Variants in INTS7 observed in about 807,000 individuals in gnomAD.
INTS7 encodes chromosome 1 open reading frame 73.
Under a neutral mutation model 109.2 loss-of-function variants are expected in INTS7, and 46 were observed. That is an observed-to-expected ratio of 0.42 (90% CI 0.33 to 0.54). INTS7 has a LOEUF of 0.54. INTS7 is among the 20% of genes least tolerant of loss of function. The pLI is 0.07. For synonymous variants in INTS7, 412 were observed against 402.9 expected (o/e 1.02, Z -0.27); for missense variants, 929 against 1,132.4 (o/e 0.82, Z 2.58).
At chr1:211,996,707 G>A (rs969802005) in intron 7 of INTS7, among the ~76,000 whole-genome samples, 1 of 152,154 alleles carries the variant, frequency 6.6e-6, no homozygotes, top group African/African-American at 2.4e-5. Context: ...CAAAATATGT[G>A]CAAGATTTGT....
rs996463958 is a variant in INTS7, at chr1:211,981,127, T to C, written c.1196A>G (p.Gln399Arg). 1.9e-6 allele frequency: 3 copies of C among 1,613,372 alleles called. No homozygotes were observed. Among genetic ancestry groups the C allele is most frequent in the Non-Finnish European group, 2.5e-6 (3 of 1,179,536 alleles). Residue 399 changes from glutamine to arginine, a missense_variant, in exon 10 of 20, where the codon CAA becomes CGA. Physicochemically the swap from Gln to Arg is conservative, Grantham distance 43. Around this residue, in one of 2 missense-constraint regions of INTS7, gnomAD observed 787 missense variants for 901.1 expected, o/e 0.87. Transcript: ENST00000366994. Reference protein sequence around the residue: ...GLESLLVLCSQDDSPGAQATL... With the variant: ...GLESLLVLCSRDDSPGAQATL... The stretch of plus-strand genomic sequence containing the variant: ...GGCCTGAGCACCTGGACTATCATCT[T>C]GACTACAAAGTACCAGTAGGGATTC...
At chr1:211,978,237 A>G (rs943315288) in intron 11 of INTS7, 35 bp downstream of exon 11, 11 of 1,611,174 alleles carry the variant, frequency 6.8e-6, no homozygotes, top group Admixed American at 6.7e-5. Context: ...ACCAGATCCT[A>G]GTCATTCAAA....
chr1:211,967,480 C>T (rs1202228254), intron 15 of INTS7, among the ~76,000 whole-genome samples: 1 of 139,820 alleles, frequency 7.2e-6, no homozygotes. Flanking sequence ...AAAGTGACAA[C>T]TAATGCTACT....
At chr1:211,967,451 CAAA>C (rs35896290) in intron 15 of INTS7, among the ~76,000 whole-genome samples, 1 of 82,444 alleles carries the variant, frequency 1.2e-5, no homozygotes. Flanking sequence ...GACTCCATCT[CAAA>C]AAAAAAAAAA....
At position 212,035,492 on chromosome 1, in the gene INTS7, G is replaced by A. The variant is rs960285826; in HGVS notation, c.-55C>T. ...CAGAAAGCTTGCAAACTCTACCCCA[G>A]GACCGCCATCTTCCCCCGCCGCCTT... On this transcript the variant is annotated 5_prime_UTR_variant, in exon 1 of 20. Coordinates refer to ENST00000366994, the MANE Select transcript of INTS7 (RefSeq NM_015434.4). 3 of 1,304,980 alleles carry A rather than the reference G, an allele frequency of 2.3e-6. No homozygotes were observed. The highest frequency in any genetic ancestry group is 2.3e-5 in the East Asian group (1 of 43,414). The allele number at this position is 1,304,980 out of a possible 1,614,324, so 80.8% of individuals were successfully genotyped here. A position where few individuals can be genotyped will look rare whatever the true frequency, so the allele number is the denominator to read the frequency against.
At chr1:211,949,679 A>G (rs187011394) in intron 17 of INTS7, among the ~76,000 whole-genome samples, 8 of 152,182 alleles carry the variant, frequency 5.3e-5, no homozygotes, top group Non-Finnish European at 1.2e-4. Context: ...ATAATATACA[A>G]TCTATATTAA....
rs930419370 is a variant in INTS7 at position 211,966,559 on chromosome 1, A to G, written c.2115-61T>C. ...AAGAAACCCGCTATAGGTTTCTATT[A>G]CTTGAATACTAAATTGGTCAAGATT... On this transcript the variant is annotated intron_variant, in intron 15 of 19. Transcript: ENST00000366994. 32 of 963,608 alleles carry G rather than the reference A, an allele frequency of 3.3e-5. No individual in the cohort carries two copies. In the African/African-American group the frequency reaches 4.4e-4, roughly 13 times the overall value. The allele number at this position is 963,608 out of a possible 1,614,324, so 59.7% of individuals were successfully genotyped here. A position where few individuals can be genotyped will look rare whatever the true frequency, so the allele number is the denominator to read the frequency against.
chr1:211,972,398 A>G (rs748641376), intron 13 of INTS7, among the ~76,000 whole-genome samples: 2 of 152,208 alleles, frequency 1.3e-5, no homozygotes, highest in Non-Finnish European at 2.9e-5. Flanking sequence ...AAATTCTGAA[A>G]TGCTCCAAAA....
In INTS7 at chr1:211,951,836, C is replaced by T. The variant is rs985984353; in HGVS notation, c.2316+733G>A. Among the ~76,000 whole-genome samples the T allele has an allele frequency of 1.1e-4, 16 of 152,096 alleles. No individual in the cohort carries two copies. In the East Asian group the frequency reaches 1.2e-3, roughly 11 times the overall value. ...ACGGCATTTTGTTATAAAACCTGAG[C>T]AGAGATACTGGGGAATGGTCAGACA... On this transcript the variant is annotated intron_variant, in intron 17 of 19. Coordinates refer to ENST00000366994, the MANE Select transcript of INTS7 (RefSeq NM_015434.4).
At chr1:211,986,496 A>C (rs200240477) in intron 8 of INTS7, among the ~76,000 whole-genome samples, 2 of 152,234 alleles carry the variant, frequency 1.3e-5, no homozygotes, top group East Asian at 3.8e-4. Context: ...AAAATAAATA[A>C]GAAAAACGCC....
chr1:212,013,600 A>C (rs893562991), intron 4 of INTS7, among the ~76,000 whole-genome samples: 1 of 152,246 alleles, frequency 6.6e-6, no homozygotes, highest in Admixed American at 6.5e-5. Context: ...ACATTCATTT[A>C]TCACTCACTC....
At chr1:212,018,577 A>C (rs1666548045) in intron 3 of INTS7, among the ~76,000 whole-genome samples, 1 of 151,838 alleles carries the variant, frequency 6.6e-6, no homozygotes, top group East Asian at 1.9e-4. Context: ...AGCCTCTTGT[A>C]ATCTACAACC....
intron 15 of INTS7, among the ~76,000 whole-genome samples, chr1:211,967,594 T>C (rs779966134): frequency 3.3e-5 from 5 of 152,186 alleles, no homozygotes; most frequent in Non-Finnish European, 5.9e-5. Context: ...GTGTTGTCTG[T>C]TGTAGCTCAA....
chr1:211,972,764 T>C (rs1471385834), intron 13 of INTS7, among the ~76,000 whole-genome samples: 1 of 152,198 alleles, frequency 6.6e-6, no homozygotes, highest in Non-Finnish European at 1.5e-5. Context: ...GAGATTCTCT[T>C]GCTGGTCTGG....
intron 10 of INTS7, among the ~76,000 whole-genome samples, chr1:211,978,720 C>G (rs1484243934): frequency 6.6e-6 from 1 of 152,066 alleles, no homozygotes; most frequent in Admixed American, 6.5e-5. Flanking sequence ...TAGGACTGCA[C>G]GTCAACCACT....
In INTS7 at chr1:211,946,760, C is replaced by T. The variant is rs944386439; in HGVS notation, c.2317-55G>A. ...AAAATAAATTTTCAAATTTCATCAA[C>T]AAGTGGTACATTCAGTATAAAACTA... On this transcript the variant is annotated intron_variant, in intron 17 of 19. Transcript: ENST00000366994. The surrounding 1 kb of genome is among the most constrained non-coding windows in gnomAD (Gnocchi z 4.3). The T allele has an allele frequency of 8.2e-7, 1 of 1,225,312 alleles. No individual in the cohort carries two copies. Among genetic ancestry groups the T allele is most frequent in the East Asian group, 2.4e-5 (1 of 41,806 alleles). The allele number at this position is 1,225,312 out of a possible 1,614,324, so 75.9% of individuals were successfully genotyped here.
Position 211,940,815 on chromosome 1 carries a change from C to T in INTS7, c.*1009G>A, listed in dbSNP as rs1163676223. 1 of 152,184 alleles carries T rather than the reference C, an allele frequency of 6.6e-6. No homozygotes were observed. Among genetic ancestry groups the T allele is most frequent in the East Asian group, 1.9e-4 (1 of 5,194 alleles). 9.4% of individuals were successfully genotyped at this position (152,184 alleles called of 1,614,324 possible). On this transcript the variant is annotated 3_prime_UTR_variant, in exon 20 of 20. Coordinates refer to ENST00000366994, the MANE Select transcript of INTS7 (RefSeq NM_015434.4). ...AAAGGAAAAGATCCACCCCTTCTAA[C>T]TTAAAACATTGAAGATATTAAATGA...
At chr1:211,969,241 C>T (rs1202314232) in intron 13 of INTS7, among the ~76,000 whole-genome samples, 1 of 150,626 alleles carries the variant, frequency 6.6e-6, no homozygotes, top group Non-Finnish European at 1.5e-5. Flanking sequence ...GCCGAGATTG[C>T]ACCACTGCAC....
intron 2 of INTS7, 123 bp downstream of exon 2, chr1:212,020,960 G>T: frequency 1.2e-6 from 1 of 859,224 alleles, no homozygotes; most frequent in Non-Finnish European, 1.8e-6. Flanking sequence ...ACACAGTCAT[G>T]TGTGTCCACT....
Sources: gnomAD v4.1 joint callset for allele counts (sites outside exome capture counted in the v4.1 genomes callset) on GRCh38, gnomAD v4.1.1 for gene constraint, gnomAD v4.1.1 regional missense constraint, Gnocchi (gnomAD v3.1) non-coding constraint, MANE v1.5 for transcripts, NCBI Gene and HGNC (gene_info 2026-07-23, HGNC 2026-07-21) for gene names.